YJEFN3: variants seen among roughly 807,000 people sequenced by gnomAD.
The protein encoded by YJEFN3 is yjeF N-terminal domain-containing protein 3.
In YJEFN3, 29 loss-of-function variants were observed where a neutral mutation model predicts 31.5. The ratio of observed to expected loss-of-function variants is 0.92; its 90% confidence interval spans 0.69 to 1.26. The LOEUF is 1.26. YJEFN3 is among the 50% of genes most tolerant of loss of function. YJEFN3 has a pLI of 0.00. For missense variants in YJEFN3, 442 were observed against 425.4 expected (o/e 1.04, Z -0.34); for synonymous variants, 227 against 196.1 (o/e 1.16, Z -1.32).
rs2061132342 is a variant in YJEFN3 at position 19,529,464 on chromosome 19, A to T, written c.160A>T (p.Arg54Trp). 6.2e-7 allele frequency: 1 copy of T among 1,614,206 alleles called. No individual in the cohort carries two copies. Among genetic ancestry groups the T allele is most frequent in the Non-Finnish European group, 8.5e-7 (1 of 1,180,040 alleles). ...LVQRRKQAWG[R>W]QSWLEQIWNA... ...CCAGAGGAGGAAACAGGCCTGGGGA[A>T]GGCAGTCATGGCTAGAGCAGATTTG... is the stretch of plus-strand genomic sequence containing the variant. Residue 54 changes from arginine (R) to tryptophan (W), a missense_variant, in exon 2 of 7, where the codon AGG (arginine) becomes TGG (tryptophan). Coordinates refer to ENST00000514277, the MANE Select transcript of YJEFN3 (RefSeq NM_198537.4).
At chr19:19,531,855 T>C (rs2061160107) in intron 2 of YJEFN3, among the ~76,000 whole-genome samples, 2 of 149,088 alleles carry the variant, frequency 1.3e-5, no homozygotes, top group Non-Finnish European at 3.0e-5. Context: ...GTTCAAGCCT[T>C]AGCCTCCTGA....
In YJEFN3 at chr19:19,535,141, G is replaced by T. The variant is rs1311803752; in HGVS notation, c.426G>T (p.Val142=). 3 of 1,600,574 alleles carry T rather than the reference G, an allele frequency of 1.9e-6. No individual in the cohort carries two copies. The highest frequency in any genetic ancestry group is 1.7e-6 in the Non-Finnish European group (2 of 1,172,932). Reference sequence around the variant, plus strand: ...TGGTCTGTGCCCGGCACCTGCGGGTGTTTGTAAGTAGCAAGGACCCCTTCG... The same window carrying T: ...TGGTCTGTGCCCGGCACCTGCGGGTTTTTGTAAGTAGCAAGGACCCCTTCG... ...VGLVCARHLR[V]FEYEPTIFYP... Residue 142 remains valine, a synonymous_variant, in exon 4 of 7, where the codon GTG becomes GTT. Coordinates refer to ENST00000514277, the MANE Select transcript of YJEFN3 (RefSeq NM_198537.4).
chr19:19,536,804 T>C (rs534595361), intron 6 of YJEFN3, among the ~76,000 whole-genome samples: 1 of 152,226 alleles, frequency 6.6e-6, no homozygotes, highest in African/African-American at 2.4e-5. Flanking sequence ...ACTCCATCTC[T>C]ACTAAATATA....
Position 19,537,535 on chromosome 19 carries a change from C to A in YJEFN3, c.*11C>A. 1 of 1,541,836 alleles carries A rather than the reference C, an allele frequency of 6.5e-7. No homozygotes were observed. The highest frequency in any genetic ancestry group is 8.7e-7 in the Non-Finnish European group (1 of 1,146,018). ...GTCGCGGCACTGTGACCGCCACCCG[C>A]GGCCACACCGCAGGGACCCTCGCCA... On this transcript the variant is annotated 3_prime_UTR_variant, in exon 7 of 7. Coordinates refer to ENST00000514277, the MANE Select transcript of YJEFN3 (RefSeq NM_198537.4).
At chr19:19,532,603 C>T (rs966606533) in intron 2 of YJEFN3, 29 bp from the exon 3 acceptor site, 4 of 1,460,568 alleles carry the variant, frequency 2.7e-6, no homozygotes, top group Middle Eastern at 1.7e-4. Context: ...CTGTGTGTCT[C>T]TGAGTGTCCC....
chr19:19,529,584 A>G, intron 2 of YJEFN3, 71 bp downstream of exon 2: 3 of 1,560,258 alleles, frequency 1.9e-6, no homozygotes, highest in Non-Finnish European at 2.6e-6. Flanking sequence ...AGCCTTTGTG[A>G]CATGGGACCC....
At position 19,529,654 on chromosome 19, in the gene YJEFN3, C is replaced by T. The variant is rs949424402; in HGVS notation, c.209+141C>T. 4.3e-6 allele frequency: 5 copies of T among 1,162,302 alleles called. No homozygotes were observed. The African/African-American group carries it at 7.7e-5, about 18-fold the overall frequency. 72.0% of individuals were successfully genotyped at this position (1,162,302 alleles called of 1,614,324 possible). ...GCGTCCAACAGCTCCTGCCCACTGCCCACCTAGCAGGGCACGTGTCCCCTC... is the reference window on the plus strand; with the variant it reads ...GCGTCCAACAGCTCCTGCCCACTGCTCACCTAGCAGGGCACGTGTCCCCTC... On this transcript the variant is annotated intron_variant, in intron 2 of 6. Transcript: ENST00000514277.
chr19:19,529,554 ACT>A (rs1209583699), intron 2 of YJEFN3, 41 bp downstream of exon 2: 9 of 1,598,046 alleles, frequency 5.6e-6, no homozygotes, highest in Non-Finnish European at 6.8e-6. Flanking sequence ...CGTGGCTGTG[ACT>A]CTCACCTCAT....
At chr19:19,529,562 CT>C (rs2061133739) in intron 2 of YJEFN3, 49 bp downstream of exon 2, 6 of 1,590,810 alleles carry the variant, frequency 3.8e-6, no homozygotes, top group Non-Finnish European at 5.1e-6. Flanking sequence ...TGACTCTCAC[CT>C]CATCCTCCTC....
chr19:19,532,980 C>G, intron 3 of YJEFN3: 1 of 1,293,318 alleles, frequency 7.7e-7, no homozygotes, highest in Non-Finnish European at 9.8e-7. Context: ...GACAGTGCCA[C>G]GACCCTGGAA....
Position 19,537,428 on chromosome 19 carries a change from C to T in YJEFN3, c.804C>T (p.His268=), listed in dbSNP as rs751208687. ...CTGGCCGCTTCTCCGGGCGCCACCACTTCGTGGCCGGCAGGTTCGTGCCCG... is the reference window on the plus strand; with the variant it reads ...CTGGCCGCTTCTCCGGGCGCCACCATTTCGTGGCCGGCAGGTTCGTGCCCG... ...RCAGRFSGRH[H]FVAGRFVPDD... Residue 268 remains histidine, a synonymous_variant, in exon 7 of 7, where the codon CAC becomes CAT. Transcript: ENST00000514277. 1 of 1,590,530 alleles carries T rather than the reference C, an allele frequency of 6.3e-7. No homozygotes were observed. The highest frequency in any genetic ancestry group is 1.1e-5 in the South Asian group (1 of 89,306).
At position 19,529,491 on chromosome 19, in the gene YJEFN3, A is replaced by T. The variant is rs1406675423; in HGVS notation, c.187A>T (p.Asn63Tyr). The T allele has an allele frequency of 6.2e-7, 1 of 1,613,878 alleles. No individual in the cohort carries two copies. The highest frequency in any genetic ancestry group is 8.5e-7 in the Non-Finnish European group (1 of 1,179,956). Residue 63 changes from asparagine to tyrosine, a missense_variant, in exon 2 of 7, where the codon AAC (asparagine) becomes TAC (tyrosine). Transcript: ENST00000514277. ...GCAGTCATGGCTAGAGCAGATTTGG[A>T]ACGCAGGGCCTGTTTGCCAGAGGTT... Reference protein sequence around the residue: ...GRQSWLEQIWNAGPVCQSTAE... With the variant: ...GRQSWLEQIWYAGPVCQSTAE...
Position 19,529,200 on chromosome 19 carries a change from G to A in YJEFN3, c.60-164G>A, listed in dbSNP as rs2061128961. The A allele has an allele frequency of 4.1e-6, 6 of 1,446,972 alleles. No individual in the cohort carries two copies. In the South Asian group the frequency reaches 5.9e-5, roughly 14 times the overall value. 89.6% of individuals were successfully genotyped at this position (1,446,972 alleles called of 1,614,324 possible). ...TGGCCAAGACGGGCCTGGGAATCCCGGGAATCCGAGACCCTCCTGGCATCT... is the reference window on the plus strand; with the variant it reads ...TGGCCAAGACGGGCCTGGGAATCCCAGGAATCCGAGACCCTCCTGGCATCT... On this transcript the variant is annotated intron_variant, in intron 1 of 6. Coordinates refer to ENST00000514277, the MANE Select transcript of YJEFN3 (RefSeq NM_198537.4).
intron 2 of YJEFN3, among the ~76,000 whole-genome samples, chr19:19,530,669 C>T (rs1055961858): frequency 3.3e-5 from 5 of 152,202 alleles, no homozygotes; most frequent in African/African-American, 7.2e-5. Context: ...CGAATGCAAA[C>T]GCACCTCCTA....
chr19:19,537,400 G>T lies in YJEFN3; in HGVS notation c.776G>T (p.Cys259Phe). The T allele has an allele frequency of 6.3e-7, 1 of 1,590,274 alleles. No homozygotes were observed. Residue 259 changes from cysteine (C) to phenylalanine (F), a missense_variant, in exon 7 of 7, where the codon TGC becomes TTC. Cys to Phe is a radical substitution (Grantham distance 205, BLOSUM62 -2). Coordinates refer to ENST00000514277, the MANE Select transcript of YJEFN3 (RefSeq NM_198537.4). ...VLVSLAAPKR[C>F]AGRFSGRHHF... Reference sequence around the variant, plus strand: ...GTGTCTCTCGCGGCGCCCAAGCGCTGCGCTGGCCGCTTCTCCGGGCGCCAC... The same window carrying T: ...GTGTCTCTCGCGGCGCCCAAGCGCTTCGCTGGCCGCTTCTCCGGGCGCCAC...
intron 3 of YJEFN3, chr19:19,533,912 G>A: frequency 1.0e-6 from 1 of 985,568 alleles, no homozygotes; most frequent in South Asian, 4.7e-5. Flanking sequence ...TGGGCCCGGT[G>A]TGGCTGGGAT....
At position 19,537,487 on chromosome 19, in the gene YJEFN3, C is replaced by A; in HGVS notation, c.863C>A (p.Pro288Gln). 1 of 1,578,330 alleles carries A rather than the reference C, an allele frequency of 6.3e-7. No homozygotes were observed. ...DVRRKFALRL[P>Q]GYTGTDCVAA... Reference sequence around the variant, plus strand: ...CGCCGCAAGTTCGCTCTGCGCCTGCCGGGATACACGGGCACCGACTGCGTC... The same window carrying A: ...CGCCGCAAGTTCGCTCTGCGCCTGCAGGGATACACGGGCACCGACTGCGTC... The change falls in exon 7 of 7, where the codon CCG becomes CAG. Residue 288 changes from proline to glutamine, a missense_variant. Pro to Gln is a moderately conservative substitution (Grantham distance 76). Coordinates refer to ENST00000514277, the MANE Select transcript of YJEFN3 (RefSeq NM_198537.4).
Position 19,534,061 on chromosome 19 carries a change from G to A in YJEFN3, c.319-973G>A, listed in dbSNP as rs913945772. On this transcript the variant is annotated intron_variant, in intron 3 of 6. Transcript: ENST00000514277. This position sits in a 1 kb window ranked among gnomAD's most constrained non-coding sequence, Gnocchi z 4.6. ...GAGACACCCAGAGTGCCTGTCAGGC[G>A]GTGGCACTGTCATCGCATTTGATAA... 1.1e-5 allele frequency: 11 copies of A among 985,442 alleles called. No homozygotes were observed. The African/African-American group carries it at 1.6e-4, about 14-fold the overall frequency. 61.0% of individuals were successfully genotyped at this position (985,442 alleles called of 1,614,324 possible). A position where few individuals can be genotyped will look rare whatever the true frequency, so the allele number is the denominator to read the frequency against.
At chr19:19,535,745 C>G (rs921623737) in intron 6 of YJEFN3, 66 bp downstream of exon 6, 1 of 1,524,542 alleles carries the variant, frequency 6.6e-7, no homozygotes, top group Non-Finnish European at 8.8e-7. Context: ...TGTGCCCCAG[C>G]TCCTGGTCGC....
Sources: allele counts gnomAD v4.1 joint callset (sites outside exome capture counted in the v4.1 genomes callset), GRCh38; gene constraint gnomAD v4.1.1; non-coding constraint Gnocchi (gnomAD v3.1); transcripts MANE v1.5; gene names NCBI Gene and HGNC (gene_info 2026-07-23, HGNC 2026-07-21).